The following SLC1A7 variants were observed in gnomAD, a reference collection of about 807,000 sequenced individuals.
SLC1A7 encodes the protein solute carrier family 1 member 7, also known as excitatory amino acid transporter 5.
SLC1A7 carries 40 observed loss-of-function variants against 47.7 expected under a neutral mutation model. That is an observed-to-expected ratio of 0.84 (90% confidence interval 0.65 to 1.09). The LOEUF (loss-of-function observed/expected upper bound fraction) is 1.09. SLC1A7 is among the 50% of genes least tolerant of loss of function. The pLI is 0.00. For synonymous variants in SLC1A7, 323 were observed against 325.6 expected, an observed-to-expected ratio of 0.99 and a Z score of 0.09; for missense variants, 746 against 769.5, an observed-to-expected ratio of 0.97 and a Z score of 0.36.
intron 1 of SLC1A7, among the ~76,000 whole-genome samples, chr1:53,135,366 G>A (rs923220125): frequency 6.6e-6 from 1 of 152,216 alleles, no homozygotes; most frequent in Non-Finnish European, 1.5e-5. Context: ...GCCGCCTTGC[G>A]AGTCAGTTTC....
chr1:53,124,249 AACAC>A (rs67205575), intron 2 of SLC1A7, among the ~76,000 whole-genome samples: 706 of 6,974 alleles, frequency 0.1, 6 homozygotes, highest in South Asian at 0.17. Flanking sequence ...ATACATACAC[AACAC>A]ACACACACAC....
At chr1:53,136,657 T>C (rs909601980) in intron 1 of SLC1A7, among the ~76,000 whole-genome samples, 2 of 36,710 alleles carry the variant, frequency 5.4e-5, no homozygotes, top group African/African-American at 2.4e-4. Flanking sequence ...ATATATTATA[T>C]ATATATATAT....
At chr1:53,128,621 A>G (rs1268775639) in intron 2 of SLC1A7, among the ~76,000 whole-genome samples, 1 of 143,152 alleles carries the variant, frequency 7.0e-6, no homozygotes, top group African/African-American at 2.6e-5. Flanking sequence ...GGCCCTGTGG[A>G]TGTGCAGGTG....
intron 2 of SLC1A7, 192 bp from the exon 3 acceptor site, chr1:53,115,165 G>A (rs923709091): frequency 3.6e-5 from 22 of 610,402 alleles, no homozygotes; most frequent in Non-Finnish European, 6.1e-5. Flanking sequence ...ACGCCCCGGG[G>A]CGCAGGCCAC....
At chr1:53,140,833 G>T (rs1645050037) in intron 1 of SLC1A7, among the ~76,000 whole-genome samples, 1 of 152,192 alleles carries the variant, frequency 6.6e-6, no homozygotes, top group African/African-American at 2.4e-5. Context: ...AAAGTTCAGG[G>T]TTTCTCTGCC....
At chr1:53,088,262 A>G in intron 10 of SLC1A7, 35 bp from the exon 11 acceptor site, 1 of 1,534,016 alleles carries the variant, frequency 6.5e-7, no homozygotes, top group Non-Finnish European at 8.8e-7. Flanking sequence ...TAGCAGCAGG[A>G]GGGACCAAGG....
intron 9 of SLC1A7, 112 bp downstream of exon 9, chr1:53,089,688 C>T (rs561530368): frequency 1.8e-6 from 2 of 1,137,682 alleles, no homozygotes; most frequent in East Asian, 2.4e-5. Flanking sequence ...CCAAGCGGGG[C>T]AGTCCCCAGC....
intron 8 of SLC1A7, chr1:53,090,266 G>A: frequency 1.9e-6 from 1 of 539,856 alleles, no homozygotes; most frequent in Non-Finnish European, 3.3e-6. Context: ...CTGCCTGCCT[G>A]CCTCTGGGGC....
At chr1:53,139,363 C>T (rs78679596) in intron 1 of SLC1A7, among the ~76,000 whole-genome samples, 3,621 of 152,312 alleles carry the variant, frequency 0.024, 60 homozygotes, top group South Asian at 0.051. Context: ...GTGCTGGGGA[C>T]CCCACTCAGA....
In SLC1A7 at chr1:53,142,618, G is replaced by A; in HGVS notation, c.-169C>T. On this transcript the variant is annotated 5_prime_UTR_variant, in exon 1 of 11. Transcript: ENST00000371494. ...CCATGCCCGTGTGGCCGCCTTAGAG[G>A]GAAGCCACAATCCTATTACCAGCTG... The A allele has an allele frequency of 1.5e-6, 1 of 653,306 alleles. No homozygotes were observed. 40.5% of individuals were successfully genotyped at this position (653,306 alleles called of 1,614,324 possible).
At chr1:53,130,386 CT>C (rs1644930408) in intron 2 of SLC1A7, among the ~76,000 whole-genome samples, 2 of 152,136 alleles carry the variant, frequency 1.3e-5, no homozygotes, top group Non-Finnish European at 2.9e-5. Context: ...GCTGTTTGTC[CT>C]GGAGAGGAGG....
chr1:53,098,713 G>A (rs368535089), intron 5 of SLC1A7, among the ~76,000 whole-genome samples: 1 of 149,010 alleles, frequency 6.7e-6, no homozygotes. Context: ...AACTGGCCTC[G>A]GTACACTCAC....
chr1:53,131,315 C>G (rs781168791), intron 2 of SLC1A7, among the ~76,000 whole-genome samples: 2 of 152,208 alleles, frequency 1.3e-5, no homozygotes, highest in Non-Finnish European at 2.9e-5. Flanking sequence ...CCTCTGACTT[C>G]TGAACAGGAT....
In SLC1A7 at chr1:53,134,383, A is replaced by C; in HGVS notation, c.182T>G (p.Leu61Arg). Residue 61 changes from leucine to arginine, a missense_variant, in exon 2 of 11, where the codon CTG (leucine) becomes CGG (arginine). Transcript: ENST00000371494. ...QFPGELLMRM[L>R]KMMILPLVVS... The stretch of plus-strand genomic sequence containing the variant: ...CACCAGTGGCAGGATCATCATCTTC[A>C]GCATCCTCATCAGGAGCTCTCCAGG... 2.5e-6 allele frequency: 4 copies of C among 1,613,570 alleles called. No individual in the cohort carries two copies. Among genetic ancestry groups the C allele is most frequent in the Non-Finnish European group, 3.4e-6 (4 of 1,179,744 alleles).
chr1:53,103,047 G>A (rs1377727971), intron 5 of SLC1A7: 2 of 321,420 alleles, frequency 6.2e-6, no homozygotes, highest in Non-Finnish European at 1.1e-5. Context: ...GGCTTGCATA[G>A]GTGAGGGGCC....
At chr1:53,099,154 C>T (rs1644538029) in intron 5 of SLC1A7, among the ~76,000 whole-genome samples, 3 of 139,788 alleles carry the variant, frequency 2.1e-5, no homozygotes, top group African/African-American at 2.6e-5. Context: ...CACGCTGCCT[C>T]GGTACACTCA....
At position 53,090,793 on chromosome 1, in the gene SLC1A7, G is replaced by T. The variant is rs746288702; in HGVS notation, c.1045C>A (p.Pro349Thr). The T allele has an allele frequency of 1.9e-6, 3 of 1,612,094 alleles. No homozygotes were observed. The South Asian group carries it at 3.3e-5, about 18-fold the overall frequency. The change falls in exon 8 of 11, where the codon CCC becomes ACC. Residue 349 changes from proline (P) to threonine (T), a missense_variant. Physicochemically the swap from Pro to Thr is conservative, Grantham distance 38. Coordinates refer to ENST00000371494, the MANE Select transcript of SLC1A7 (RefSeq NM_006671.6). ...LATSSSSATLPITFKCLLENN... is the reference protein window; with the variant it reads ...LATSSSSATLTITFKCLLENN... ...TCCAGCAGGCACTTGAAGGTGATGG[G>T]CAGTGTGGCTGAGCTACGGTTAGAG...
chr1:53,135,866 T>A (rs541860188), intron 1 of SLC1A7, among the ~76,000 whole-genome samples: 28 of 150,422 alleles, frequency 1.9e-4, no homozygotes, highest in Non-Finnish European at 3.7e-4. Context: ...CCAAGTTGAA[T>A]TGTTGTACTT....
chr1:53,136,867 A>G (rs1207597958), intron 1 of SLC1A7, among the ~76,000 whole-genome samples: 1 of 151,482 alleles, frequency 6.6e-6, no homozygotes, highest in Non-Finnish European at 1.5e-5. Flanking sequence ...GTGTCTCACT[A>G]TGTTGCCCAG....
Sources: gnomAD v4.1 joint callset for allele counts (sites outside exome capture counted in the v4.1 genomes callset) on GRCh38, gnomAD v4.1.1 for gene constraint, MANE v1.5 for transcripts, NCBI Gene and HGNC (gene_info 2026-07-23, HGNC 2026-07-21) for gene names.